Variants in ARL15 observed in about 807,000 individuals in gnomAD.
ARL15 encodes ARF like GTPase 15.
Under a neutral mutation model 25.2 loss-of-function variants are expected in ARL15, and 19 were observed. That is an observed-to-expected ratio of 0.75 (90% CI 0.53 to 1.10). The LOEUF is 1.10. ARL15 is among the 50% of genes least tolerant of loss of function. The pLI, the probability that ARL15 is intolerant of heterozygous loss-of-function variation, is 0.00. For synonymous variants in ARL15, 94 were observed against 86.8 expected (o/e 1.08, Z -0.46); for missense variants, 220 against 246.0 (o/e 0.89, Z 0.71).
chr5:53,975,488 A>G (rs948236696), intron 4 of ARL15, among the ~76,000 whole-genome samples: 1 of 152,206 alleles, frequency 6.6e-6, no homozygotes, highest in African/African-American at 2.4e-5. Context: ...ATCCTTGGTT[A>G]GTGTTTCACA....
At chr5:53,932,463 A>G (rs903480231) in intron 4 of ARL15, among the ~76,000 whole-genome samples, 2 of 152,208 alleles carry the variant, frequency 1.3e-5, no homozygotes, top group Non-Finnish European at 2.9e-5. Flanking sequence ...AAATGGACCT[A>G]CTATTCCCAA....
intron 1 of ARL15, among the ~76,000 whole-genome samples, chr5:54,261,415 G>A (rs372432591): frequency 2.0e-5 from 3 of 152,128 alleles, no homozygotes; most frequent in Admixed American, 6.5e-5. Flanking sequence ...TAAAATAATC[G>A]GTAGATTCCT....
At chr5:54,297,698 C>A (rs1020927787) in intron 1 of ARL15, among the ~76,000 whole-genome samples, 25 of 152,332 alleles carry the variant, frequency 1.6e-4, no homozygotes, top group African/African-American at 5.1e-4. Context: ...CCACATTGAA[C>A]TTTCTTTCCC....
At chr5:54,243,469 A>G (rs542630884) in intron 1 of ARL15, among the ~76,000 whole-genome samples, 2 of 152,322 alleles carry the variant, frequency 1.3e-5, no homozygotes, top group East Asian at 3.9e-4. Flanking sequence ...CCCCCCTCCA[A>G]AATGGAGGCT....
chr5:54,294,941 CAA>C (rs1758428254), intron 1 of ARL15, among the ~76,000 whole-genome samples: 1 of 152,196 alleles, frequency 6.6e-6, no homozygotes, highest in Non-Finnish European at 1.5e-5. Flanking sequence ...ACTGAATCAT[CAA>C]TGAGCTTACT....
intron 1 of ARL15, among the ~76,000 whole-genome samples, chr5:54,198,306 C>A (rs979538831): frequency 2.6e-5 from 4 of 152,062 alleles, no homozygotes; most frequent in African/African-American, 9.7e-5. Context: ...GGCAATCAGG[C>A]AGGAGAAGGA....
intron 4 of ARL15, among the ~76,000 whole-genome samples, chr5:53,900,215 G>A (rs1038464068): frequency 1.3e-5 from 2 of 152,264 alleles, no homozygotes; most frequent in East Asian, 1.9e-4. Flanking sequence ...GGTAGTCTCC[G>A]CAGGATACAA....
At chr5:54,047,934 C>A (rs556636603) in intron 4 of ARL15, 1 of 152,216 alleles carries the variant, frequency 6.6e-6, no homozygotes, top group Admixed American at 6.5e-5. Flanking sequence ...GTTCACATGT[C>A]TTGTTTTTAG....
chr5:54,211,699 T>TAG (rs1756047496), intron 1 of ARL15, among the ~76,000 whole-genome samples: 1 of 152,132 alleles, frequency 6.6e-6, no homozygotes, highest in Non-Finnish European at 1.5e-5. Flanking sequence ...CTTGAACTCC[T>TAG]GACCTCAGGT....
At chr5:54,150,715 T>C (rs923076723) in intron 3 of ARL15, among the ~76,000 whole-genome samples, 9 of 152,014 alleles carry the variant, frequency 5.9e-5, no homozygotes, top group African/African-American at 1.7e-4. Flanking sequence ...GGAGAATTAC[T>C]TGAACCCATG....
At position 53,924,448 on chromosome 5, in the gene ARL15, A is replaced by G. The variant is rs529118909; in HGVS notation, c.463-37735T>C. ...TCATTCCAAAGAACTGATACAGAAA[A>G]GATCTTCTCTGAGTCAGAATTTTTG... On this transcript the variant is annotated intron_variant, in intron 4 of 4. Coordinates refer to ENST00000504924, the MANE Select transcript of ARL15 (RefSeq NM_019087.3). Among the ~76,000 whole-genome samples, 20 of 152,354 alleles carry G rather than the reference A, an allele frequency of 1.3e-4. No homozygotes were observed. The East Asian group carries it at 2.9e-3, about 22-fold the overall frequency.
chr5:53,990,775 C>T (rs1035866144), intron 4 of ARL15, among the ~76,000 whole-genome samples: 1 of 152,016 alleles, frequency 6.6e-6, no homozygotes, highest in Non-Finnish European at 1.5e-5. Flanking sequence ...TCACAGGGAA[C>T]CCTCTTATGA....
At chr5:54,019,711 C>A (rs1749534117) in intron 4 of ARL15, among the ~76,000 whole-genome samples, 1 of 152,076 alleles carries the variant, frequency 6.6e-6, no homozygotes, top group African/African-American at 2.4e-5. Context: ...AATGCTCATG[C>A]CAATGTAGCC....
chr5:53,999,001 T>G (rs1748770825), intron 4 of ARL15, among the ~76,000 whole-genome samples: 1 of 152,146 alleles, frequency 6.6e-6, no homozygotes, highest in Non-Finnish European at 1.5e-5. Context: ...GCATTCACAT[T>G]AAGCACACTC....
chr5:54,221,123 A>G (rs1756362175), intron 1 of ARL15, among the ~76,000 whole-genome samples: 1 of 152,202 alleles, frequency 6.6e-6, no homozygotes, highest in South Asian at 2.1e-4. Context: ...GGCATATACG[A>G]GAATTTTGTG....
intron 3 of ARL15, among the ~76,000 whole-genome samples, chr5:54,131,034 T>C (rs2112276531): frequency 6.6e-6 from 1 of 152,296 alleles, no homozygotes; most frequent in Middle Eastern, 3.4e-3. Flanking sequence ...CTTGGAAGGA[T>C]TACAGAAGTG....
At chr5:54,230,346 G>GAAAAAAAAAAAAAAAAAAAAAA (rs137882615) in intron 1 of ARL15, among the ~76,000 whole-genome samples, 6 of 91,844 alleles carry the variant, frequency 6.5e-5, no homozygotes, top group Non-Finnish European at 1.0e-4. Flanking sequence ...TTCCATCTCA[G>GAAAAAAAAAAAAAAAAAAAAAA]AAAAAAAAAA....
At chr5:54,137,903 G>T (rs1241262092) in intron 3 of ARL15, among the ~76,000 whole-genome samples, 1 of 151,646 alleles carries the variant, frequency 6.6e-6, no homozygotes, top group African/African-American at 2.4e-5. Context: ...AAGGAAAGTA[G>T]GATGAGGAAA....
At chr5:54,209,175 G>C (rs1755961733) in intron 1 of ARL15, among the ~76,000 whole-genome samples, 1 of 152,138 alleles carries the variant, frequency 6.6e-6, no homozygotes, top group Non-Finnish European at 1.5e-5. Flanking sequence ...AAGGAGTAGG[G>C]GGAGGTAAAG....
Sources: allele counts gnomAD v4.1 joint callset (sites outside exome capture counted in the v4.1 genomes callset), GRCh38; gene constraint gnomAD v4.1.1; transcripts MANE v1.5; gene names NCBI Gene and HGNC (gene_info 2026-07-23, HGNC 2026-07-21).